GALNT13: variants seen among roughly 807,000 people sequenced by gnomAD.
The protein encoded by GALNT13 is polypeptide N-acetylgalactosaminyltransferase 13, also known as UDP-GalNAc:polypeptide N-acetylgalactosaminyltransferase 13.
In GALNT13, 28 loss-of-function variants were observed where a neutral mutation model predicts 64.2. The observed-to-expected ratio is 0.44, with a 90% confidence interval of 0.32 to 0.60. GALNT13 has a LOEUF of 0.60. Ranked by LOEUF, GALNT13 falls within the 20% of genes least tolerant of loss-of-function variation. The pLI is 0.05. For missense variants in GALNT13, 577 were observed against 669.8 expected, an observed-to-expected ratio of 0.86 and a Z score of 1.53; for synonymous variants, 214 against 224.6, an observed-to-expected ratio of 0.95 and a Z score of 0.42.
the GALNT13 span, among the ~76,000 whole-genome samples, chr2:153,359,049 T>G: frequency 6.6e-6 from 1 of 152,076 alleles, no homozygotes; most frequent in Non-Finnish European, 1.5e-5. Flanking sequence ...ATTTATCTAT[T>G]TTAATGCATG....
At chr2:153,797,945 T>C in the GALNT13 span, among the ~76,000 whole-genome samples, 2 of 152,176 alleles carry the variant, frequency 1.3e-5, no homozygotes, top group Non-Finnish European at 2.9e-5. Context: ...AGCCCTACCA[T>C]CATCTAGCAC....
At chr2:154,348,505 G>A (rs1265149097) in intron 9 of GALNT13, among the ~76,000 whole-genome samples, 1 of 151,928 alleles carries the variant, frequency 6.6e-6, no homozygotes, top group Non-Finnish European at 1.5e-5. Context: ...ACAGTCACAG[G>A]TTTCCTGGCA....
At chr2:153,730,103 T>C in the GALNT13 span, among the ~76,000 whole-genome samples, 8 of 151,792 alleles carry the variant, frequency 5.3e-5, no homozygotes, top group East Asian at 1.9e-4. Flanking sequence ...AAAATTCATA[T>C]GGAACCAGAA....
chr2:153,126,645 C>T, the GALNT13 span, among the ~76,000 whole-genome samples: 37 of 152,106 alleles, frequency 2.4e-4, no homozygotes, highest in South Asian at 1.2e-3. Flanking sequence ...TGCAAAAGTA[C>T]GGCCAATCTT....
At position 154,362,455 on chromosome 2, in the gene GALNT13, G is replaced by A. The variant is rs372246634; in HGVS notation, c.1157-33536G>A. 1.3e-3 allele frequency among the ~76,000 whole-genome samples: 203 copies of A among 151,056 alleles called. 1 individual carries two copies. In the Middle Eastern group the frequency reaches 0.017, roughly 13 times the overall value. On this transcript the variant is annotated intron_variant, in intron 9 of 12. Coordinates refer to ENST00000392825, the MANE Select transcript of GALNT13 (RefSeq NM_052917.4). ...CTCTCTCTCTTTCTCTTTTTCTCTC[G>A]GAGAATGTTTAGCATATGAGCAAGC...
At chr2:153,695,788 A>C in the GALNT13 span, among the ~76,000 whole-genome samples, 1 of 152,324 alleles carries the variant, frequency 6.6e-6, no homozygotes, top group African/African-American at 2.4e-5. Context: ...TTTTTGAAGA[A>C]GTAAGCACAT....
At chr2:153,779,069 G>C in the GALNT13 span, among the ~76,000 whole-genome samples, 1 of 152,104 alleles carries the variant, frequency 6.6e-6, no homozygotes, top group African/African-American at 2.4e-5. Flanking sequence ...GTTTTGCAAA[G>C]AACAATTAAT....
At chr2:153,158,745 T>C in the GALNT13 span, among the ~76,000 whole-genome samples, 2 of 152,216 alleles carry the variant, frequency 1.3e-5, no homozygotes, top group Non-Finnish European at 2.9e-5. Flanking sequence ...ACTGCTCCAA[T>C]GAACTATCTA....
At chr2:153,165,873 AC>A in the GALNT13 span, among the ~76,000 whole-genome samples, 1 of 152,206 alleles carries the variant, frequency 6.6e-6, no homozygotes, top group South Asian at 2.1e-4. Context: ...TATTATCATG[AC>A]CAGTACTTTT....
the GALNT13 span, among the ~76,000 whole-genome samples, chr2:153,523,788 T>C: frequency 0.88 from 133,263 of 152,146 alleles, 58,670 homozygotes; most frequent in African/African-American, 0.97. Context: ...AATCTGAATA[T>C]GTTTTACTCT....
chr2:153,685,978 C>A, the GALNT13 span, among the ~76,000 whole-genome samples: 1 of 151,938 alleles, frequency 6.6e-6, no homozygotes, highest in East Asian at 1.9e-4. Context: ...TTTCTGGGTT[C>A]TCTGTTCTGC....
chr2:154,434,027 G>C (rs1275356211), intron 11 of GALNT13, among the ~76,000 whole-genome samples: 3 of 152,168 alleles, frequency 2.0e-5, no homozygotes, highest in African/African-American at 7.2e-5. Flanking sequence ...AAACAGAGAA[G>C]GAAGACCGTG....
At chr2:153,447,981 T>C in the GALNT13 span, among the ~76,000 whole-genome samples, 1 of 152,188 alleles carries the variant, frequency 6.6e-6, no homozygotes, top group African/African-American at 2.4e-5. Flanking sequence ...CTCATATGCA[T>C]TTCCTCTTTT....
chr2:154,164,612 T>G (rs776829796), intron 4 of GALNT13, among the ~76,000 whole-genome samples: 2 of 152,166 alleles, frequency 1.3e-5, no homozygotes, highest in Non-Finnish European at 2.9e-5. Flanking sequence ...AGAATTGTTA[T>G]GTTAAGTTAA....
At chr2:153,478,887 C>A in the GALNT13 span, 9,098 of 330,302 alleles carry the variant, frequency 0.028, 197 homozygotes, top group Non-Finnish European at 0.034. Context: ...GCTGCAGCGG[C>A]GGGGTGGCTG....
the GALNT13 span, among the ~76,000 whole-genome samples, chr2:153,635,456 A>ATATATATATATACATATATATATGTG: frequency 4.1e-5 from 6 of 145,414 alleles, no homozygotes; most frequent in African/African-American, 1.3e-4. Context: ...ATATATATGT[A>ATATATATATATACATATATATATGTG]TATGTGTATA....
rs370524752 is a variant in GALNT13 at position 153,950,000 on chromosome 2, G to T, written c.142+5361G>T. ...CAAAAACAAAATTTAAACTTTAGCA[G>T]AAAAATATTTAGACATCTATAAGAC... On this transcript the variant is annotated intron_variant, in intron 3 of 12. Coordinates refer to ENST00000392825, the MANE Select transcript of GALNT13 (RefSeq NM_052917.4). Among the ~76,000 whole-genome samples the T allele has an allele frequency of 6.3e-4, 95 of 151,852 alleles. 2 individuals are homozygous for T. The South Asian group carries it at 0.019, about 30-fold the overall frequency.
At chr2:153,496,798 C>T in the GALNT13 span, among the ~76,000 whole-genome samples, 4 of 151,488 alleles carry the variant, frequency 2.6e-5, no homozygotes, top group African/African-American at 9.7e-5. Flanking sequence ...CCAGCCTGGC[C>T]AACATAGTGA....
intron 3 of GALNT13, among the ~76,000 whole-genome samples, chr2:154,111,062 T>G (rs1018156758): frequency 2.6e-5 from 4 of 152,062 alleles, no homozygotes; most frequent in African/African-American, 9.7e-5. Context: ...AAACATGTTT[T>G]TAACAAAAGA....
Sources: allele counts gnomAD v4.1 joint callset (sites outside exome capture counted in the v4.1 genomes callset), GRCh38; gene constraint gnomAD v4.1.1; transcripts MANE v1.5; gene names NCBI Gene and HGNC (gene_info 2026-07-23, HGNC 2026-07-21).